The following FAM227A variants were observed in gnomAD, a reference collection of about 807,000 sequenced individuals.
FAM227A encodes protein FAM227A.
In FAM227A, 80 loss-of-function variants were observed where a neutral mutation model predicts 74.7. That is an observed-to-expected ratio of 1.07 (90% CI 0.89 to 1.29). The LOEUF is 1.29. FAM227A is among the 50% of genes most tolerant of loss of function. The pLI is 0.00. For synonymous variants in FAM227A, 237 were observed against 241.8 expected, an observed-to-expected ratio of 0.98 and a Z score of 0.19; for missense variants, 654 against 683.4, an observed-to-expected ratio of 0.96 and a Z score of 0.48.
intron 6 of FAM227A, among the ~76,000 whole-genome samples, chr22:38,630,241 G>A (rs2091891266): frequency 6.6e-6 from 1 of 152,258 alleles, no homozygotes; most frequent in Non-Finnish European, 1.5e-5. Context: ...GCATTGCCCT[G>A]CAGCCTCCGC....
Position 38,595,969 on chromosome 22 carries a change from A to G in FAM227A, c.1532+1235T>C, listed in dbSNP as rs557666144. ...TCCATGTCATAAAAAAACAACTAAT[A>G]AGGGGGGGGGGGCAGGATACTGTTA... is the stretch of plus-strand genomic sequence containing the variant. On this transcript the variant is annotated intron_variant, in intron 15 of 16. Coordinates refer to ENST00000535113, the MANE Select transcript of FAM227A (RefSeq NM_001013647.2). Among the ~76,000 whole-genome samples the G allele has an allele frequency of 3.6e-3, 67 of 18,650 alleles. 1 individual carries two copies. Among genetic ancestry groups the G allele is most frequent in the African/African-American group, 0.014 (66 of 4,556 alleles). The allele number at this position is 18,650 out of a possible 152,430, so 12.2% of individuals were successfully genotyped here.
At chr22:38,621,349 CAA>C (rs35716573) in intron 10 of FAM227A, among the ~76,000 whole-genome samples, 6 of 79,148 alleles carry the variant, frequency 7.6e-5, no homozygotes, top group Non-Finnish European at 2.5e-5. Flanking sequence ...GACTCTGTCT[CAA>C]AAAAAAAAAA....
At chr22:38,648,188 G>C (rs750963549) in intron 2 of FAM227A, among the ~76,000 whole-genome samples, 20 of 151,978 alleles carry the variant, frequency 1.3e-4, no homozygotes, top group Non-Finnish European at 2.2e-4. Context: ...AGAAGAGGAT[G>C]AACGAAGACA....
At chr22:38,626,942 G>C (rs2091823193) in intron 8 of FAM227A, among the ~76,000 whole-genome samples, 1 of 123,242 alleles carries the variant, frequency 8.1e-6, no homozygotes, top group Non-Finnish European at 1.6e-5. Context: ...TATATAGAGA[G>C]AGAAATTAGC....
intron 6 of FAM227A, among the ~76,000 whole-genome samples, chr22:38,633,306 G>GT (rs146405259): frequency 0.025 from 3,879 of 152,222 alleles, 166 homozygotes; most frequent in African/African-American, 0.089. Context: ...AGTTTTATTT[G>GT]TAGTAAGTCT....
intron 6 of FAM227A, among the ~76,000 whole-genome samples, chr22:38,633,694 A>C (rs1423720288): frequency 6.6e-6 from 1 of 151,940 alleles, no homozygotes; most frequent in African/African-American, 2.4e-5. Flanking sequence ...GGTGTGTGTC[A>C]CCACGCCTGG....
At chr22:38,617,255 A>C (rs1394662824) in intron 11 of FAM227A, among the ~76,000 whole-genome samples, 1 of 151,378 alleles carries the variant, frequency 6.6e-6, no homozygotes, top group Non-Finnish European at 1.5e-5. Context: ...AACTTGCCTA[A>C]GGCCACACAG....
At chr22:38,611,354 T>C (rs749645014) in intron 11 of FAM227A, among the ~76,000 whole-genome samples, 64 of 152,152 alleles carry the variant, frequency 4.2e-4, no homozygotes, top group Non-Finnish European at 7.2e-4. Context: ...TAGAAATGTC[T>C]GGGTGCGGAG....
At chr22:38,631,244 A>G (rs1470495664) in intron 6 of FAM227A, among the ~76,000 whole-genome samples, 2 of 151,912 alleles carry the variant, frequency 1.3e-5, no homozygotes, top group African/African-American at 4.8e-5. Flanking sequence ...GCAGCAACAT[A>G]GATGGAGCTG....
In FAM227A at chr22:38,641,948, GGTGTGTGT is replaced by G. The variant is rs3042708; in HGVS notation, c.226-2232_226-2225del. On this transcript the variant is annotated intron_variant, in intron 3 of 16. Coordinates refer to ENST00000535113, the MANE Select transcript of FAM227A (RefSeq NM_001013647.2). Reference sequence around the variant, plus strand: ...ATTTAGCACTCCTGCCTCCCGAAAAGGTGTGTGTGTGTGTGTGTGTGTGTGTGCGCACG... The same window carrying G: ...ATTTAGCACTCCTGCCTCCCGAAAAGGTGTGTGTGTGTGTGTGTGCGCACG... Among the ~76,000 whole-genome samples, 559 of 145,522 alleles carry G rather than the reference GGTGTGTGT, an allele frequency of 3.8e-3. 1 individual carries two copies. Among genetic ancestry groups the G allele is most frequent in the African/African-American group, 0.013 (531 of 39,862 alleles).
At chr22:38,654,416 G>A (rs2145761773) in intron 1 of FAM227A, among the ~76,000 whole-genome samples, 1 of 152,070 alleles carries the variant, frequency 6.6e-6, no homozygotes, top group Non-Finnish European at 1.5e-5. Flanking sequence ...GCAGCGGGAA[G>A]TGAGGCTGGA....
chr22:38,644,252 A>G (rs1289448834), intron 3 of FAM227A, among the ~76,000 whole-genome samples: 1 of 151,746 alleles, frequency 6.6e-6, no homozygotes, highest in African/African-American at 2.4e-5. Context: ...ACTATATGGC[A>G]TTATGGGAAA....
intron 6 of FAM227A, among the ~76,000 whole-genome samples, chr22:38,635,228 CAAAA>C (rs34498896): frequency 7.4e-5 from 5 of 67,406 alleles, no homozygotes; most frequent in Admixed American, 1.8e-4. Context: ...GACTCTGTCT[CAAAA>C]AAAAAAAAAA....
At chr22:38,644,145 CAAAA>C (rs950184744) in intron 3 of FAM227A, among the ~76,000 whole-genome samples, 77 of 43,606 alleles carry the variant, frequency 1.8e-3, no homozygotes, top group East Asian at 0.014. Flanking sequence ...GACTCCATCT[CAAAA>C]AAAAAAAAAA....
In FAM227A at chr22:38,586,169, CTCT is replaced by C; in HGVS notation, c.1666_1668del (p.Arg556del). The C allele has an allele frequency of 9.7e-6, 15 of 1,551,798 alleles. No individual in the cohort carries two copies. The highest frequency in any genetic ancestry group is 1.3e-5 in the Non-Finnish European group (15 of 1,147,006). ...GGAAAGAAATGTTCAACTTCTGTTTCTCTTCTCTTTCCCTCTCCTCCTTTCCCC... is the reference window on the plus strand; with the variant it reads ...GGAAAGAAATGTTCAACTTCTGTTTCTCTCTTTCCCTCTCCTCCTTTCCCC... On this transcript the variant is annotated inframe_deletion, in exon 17 of 17. Transcript: ENST00000535113.
At chr22:38,625,400 A>G (rs931781918) in intron 9 of FAM227A, among the ~76,000 whole-genome samples, 21 of 151,430 alleles carry the variant, frequency 1.4e-4, no homozygotes, top group South Asian at 1.0e-3. Flanking sequence ...AAAAAAAAAA[A>G]AAAGAAAGAA....
chr22:38,599,025 C>T (rs2091113116), intron 14 of FAM227A, among the ~76,000 whole-genome samples: 1 of 149,708 alleles, frequency 6.7e-6, no homozygotes, highest in Non-Finnish European at 1.5e-5. Flanking sequence ...GGCGTGATCT[C>T]GGGTCACTGC....
chr22:38,591,553 C>G lies in FAM227A; in HGVS notation c.1533-13G>C. ...ATTCTTCATTTCCCTGGGAGGAAAACACAGAGACATATGGAAAAAGGCTGG... is the reference window on the plus strand; with the variant it reads ...ATTCTTCATTTCCCTGGGAGGAAAAGACAGAGACATATGGAAAAAGGCTGG... On this transcript the variant is annotated splice_polypyrimidine_tract_variant and intron_variant, in intron 15 of 16. Coordinates refer to ENST00000535113, the MANE Select transcript of FAM227A (RefSeq NM_001013647.2). 6.5e-7 allele frequency: 1 copy of G among 1,527,688 alleles called. No individual in the cohort carries two copies. The highest frequency in any genetic ancestry group is 1.2e-5 in the South Asian group (1 of 80,656). 94.6% of individuals were successfully genotyped at this position (1,527,688 alleles called of 1,614,324 possible).
chr22:38,630,301 G>C (rs1361715769), intron 6 of FAM227A, among the ~76,000 whole-genome samples: 5 of 152,202 alleles, frequency 3.3e-5, no homozygotes, highest in African/African-American at 1.2e-4. Context: ...CACTCGTAAG[G>C]AGCTCTCTGA....
Sources: gnomAD v4.1 joint callset for allele counts (sites outside exome capture counted in the v4.1 genomes callset) on GRCh38, gnomAD v4.1.1 for gene constraint, MANE v1.5 for transcripts, NCBI Gene and HGNC (gene_info 2026-07-23, HGNC 2026-07-21) for gene names.